MAGI2: variants seen among roughly 807,000 people sequenced by gnomAD.
MAGI2 encodes membrane associated guanylate kinase, WW and PDZ domain containing 2, also known as membrane-associated guanylate kinase, WW and PDZ domain-containing protein 2.
A neutral mutation model predicts 133.3 loss-of-function variants in MAGI2; 35 were observed. The ratio of observed to expected loss-of-function variants is 0.26; its 90% CI spans 0.20 to 0.35. The LOEUF is 0.35. Ranked by LOEUF, MAGI2 falls within the 10% of genes least tolerant of loss-of-function variation. MAGI2 has a pLI of 1.00. For missense variants in MAGI2, 1,636 were observed against 1,863.4 expected (o/e 0.88, Z 2.25); for synonymous variants, 729 against 710.6 (o/e 1.03, Z -0.41).
At chr7:78,331,152 T>C (rs1030860628) in intron 9 of MAGI2, among the ~76,000 whole-genome samples, 4 of 152,062 alleles carry the variant, frequency 2.6e-5, no homozygotes, top group African/African-American at 9.7e-5. Flanking sequence ...CAAGTGGAAG[T>C]TAAACATTGG....
chr7:79,045,472 T>C (rs1175695431), intron 1 of MAGI2, among the ~76,000 whole-genome samples: 1 of 152,218 alleles, frequency 6.6e-6, no homozygotes, highest in Non-Finnish European at 1.5e-5. Flanking sequence ...GATTGACTGT[T>C]TTAACTAAGT....
intron 1 of MAGI2, among the ~76,000 whole-genome samples, chr7:79,337,867 C>T (rs1178689477): frequency 6.6e-6 from 1 of 152,008 alleles, no homozygotes; most frequent in African/African-American, 2.4e-5. Context: ...GTGGTGTGTG[C>T]CTACTAGTCA....
chr7:78,870,350 T>C (rs1020921996), intron 2 of MAGI2, among the ~76,000 whole-genome samples: 1 of 102,774 alleles, frequency 9.7e-6, no homozygotes, highest in African/African-American at 3.1e-5. Flanking sequence ...TGAGACCCTG[T>C]CTCAGAAAAA....
intron 2 of MAGI2, among the ~76,000 whole-genome samples, chr7:78,923,543 A>G (rs1487594709): frequency 2.0e-5 from 3 of 152,120 alleles, no homozygotes; most frequent in African/African-American, 7.2e-5. Context: ...GTTCTGTTCC[A>G]TTGATCTATA....
chr7:79,168,453 C>T (rs963267968), intron 1 of MAGI2, among the ~76,000 whole-genome samples: 15 of 152,146 alleles, frequency 9.9e-5, no homozygotes, highest in South Asian at 4.1e-4. Context: ...TAACACAAAG[C>T]GTTATACAGT....
At chr7:78,226,611 A>G (rs1789416457) in intron 10 of MAGI2, among the ~76,000 whole-genome samples, 1 of 152,192 alleles carries the variant, frequency 6.6e-6, no homozygotes, top group African/African-American at 2.4e-5. Context: ...CCGAAATTAT[A>G]TTTCCTCTCT....
chr7:79,400,264 G>A (rs987345459), intron 1 of MAGI2, among the ~76,000 whole-genome samples: 1 of 151,976 alleles, frequency 6.6e-6, no homozygotes, highest in Non-Finnish European at 1.5e-5. Context: ...ACTTTCTGTT[G>A]TTTGTATATA....
chr7:78,714,108 T>C (rs973570008), intron 2 of MAGI2, among the ~76,000 whole-genome samples: 1 of 150,604 alleles, frequency 6.6e-6, no homozygotes, highest in South Asian at 2.1e-4. Flanking sequence ...GAGAATATAC[T>C]TGTGTAAATA....
chr7:78,553,145 C>T (rs1296094354), intron 3 of MAGI2, among the ~76,000 whole-genome samples: 1 of 150,686 alleles, frequency 6.6e-6, no homozygotes, highest in Non-Finnish European at 1.5e-5. Flanking sequence ...CAGATTTGTC[C>T]TTTCATAAAA....
chr7:79,377,588 G>C (rs1314840635), intron 1 of MAGI2, among the ~76,000 whole-genome samples: 1 of 151,826 alleles, frequency 6.6e-6, no homozygotes, highest in Non-Finnish European at 1.5e-5. Flanking sequence ...GCAGTTACAT[G>C]ATGAAGTGAG....
At chr7:79,177,372 T>C (rs1826192427) in intron 1 of MAGI2, among the ~76,000 whole-genome samples, 1 of 152,034 alleles carries the variant, frequency 6.6e-6, no homozygotes, top group African/African-American at 2.4e-5. Flanking sequence ...TCTTTTGACT[T>C]TTTTATCATT....
intron 1 of MAGI2, among the ~76,000 whole-genome samples, chr7:79,367,430 A>T (rs1842771988): frequency 6.6e-6 from 1 of 152,176 alleles, no homozygotes; most frequent in South Asian, 2.1e-4. Context: ...GGTGGAAGGA[A>T]CAGAGCTGAT....
intron 2 of MAGI2, among the ~76,000 whole-genome samples, chr7:78,947,289 C>T (rs928474385): frequency 1.3e-5 from 2 of 152,116 alleles, no homozygotes; most frequent in African/African-American, 4.8e-5. Flanking sequence ...CCTCACCTCA[C>T]CCAAATACGT....
chr7:78,578,170 A>G (rs1802465602), intron 3 of MAGI2, among the ~76,000 whole-genome samples: 1 of 152,124 alleles, frequency 6.6e-6, no homozygotes, highest in Non-Finnish European at 1.5e-5. Flanking sequence ...ATAGGTTACT[A>G]ATCTTTTATT....
intron 6 of MAGI2, among the ~76,000 whole-genome samples, chr7:78,429,881 G>A (rs1799630022): frequency 6.6e-6 from 1 of 152,060 alleles, no homozygotes; most frequent in Non-Finnish European, 1.5e-5. Flanking sequence ...TATAGATCAA[G>A]AAATCGAGGT....
intron 3 of MAGI2, among the ~76,000 whole-genome samples, chr7:78,571,607 C>A (rs1327073421): frequency 6.6e-6 from 1 of 152,002 alleles, no homozygotes; most frequent in African/African-American, 2.4e-5. Flanking sequence ...AAGGACAACT[C>A]AGTGAGACAA....
In MAGI2 at chr7:78,879,885, C is replaced by A. The variant is rs114201883; in HGVS notation, c.418+127205G>T. Among the ~76,000 whole-genome samples, 326 of 152,052 alleles carry A rather than the reference C, an allele frequency of 2.1e-3. 3 individuals carry two copies. The highest frequency in any genetic ancestry group is 7.5e-3 in the African/African-American group (311 of 41,506). The stretch of plus-strand genomic sequence containing the variant: ...AACATATTTAAAAGTAATCAATCAG[C>A]GCTTCTGGAATTGCAAAACTTCACT... On this transcript the variant is annotated intron_variant, in intron 2 of 21. Transcript: ENST00000354212.
At chr7:78,135,883 T>G (rs1822064313) in intron 16 of MAGI2, among the ~76,000 whole-genome samples, 1 of 152,180 alleles carries the variant, frequency 6.6e-6, no homozygotes, top group African/African-American at 2.4e-5. Context: ...ATCTTGCTAA[T>G]GTCTGATACA....
intron 2 of MAGI2, among the ~76,000 whole-genome samples, chr7:78,828,158 T>A (rs528006962): frequency 6.6e-6 from 1 of 152,308 alleles, no homozygotes; most frequent in South Asian, 2.1e-4. Flanking sequence ...GTGCTGGGAT[T>A]ACAGGCATAA....
Sources: allele counts gnomAD v4.1 joint callset (sites outside exome capture counted in the v4.1 genomes callset), GRCh38; gene constraint gnomAD v4.1.1; transcripts MANE v1.5; gene names NCBI Gene and HGNC (gene_info 2026-07-23, HGNC 2026-07-21).